ZMYND11: variants seen among roughly 807,000 people sequenced by gnomAD.
ZMYND11 encodes the protein zinc finger MYND domain-containing protein 11.
In ZMYND11, 9 loss-of-function variants were observed where a neutral mutation model predicts 84.9. That is an observed-to-expected ratio of 0.11 (90% confidence interval 0.06 to 0.18). ZMYND11 has a LOEUF of 0.18. Among genes scored for constraint, ZMYND11 ranks in the 10% least tolerant of loss-of-function variants. ZMYND11 has a pLI of 1.00. For synonymous variants in ZMYND11, 250 were observed against 244.1 expected (o/e 1.02, Z -0.23); for missense variants, 409 against 761.0 (o/e 0.54, Z 5.44).
In ZMYND11 at chr10:135,700, C is replaced by T. The variant is rs1455706730; in HGVS notation, c.-20+141C>T. 1 of 147,780 alleles carries T rather than the reference C, an allele frequency of 6.8e-6. No homozygotes were observed. The highest frequency in any genetic ancestry group is 2.5e-5 in the African/African-American group (1 of 40,300). The allele number at this position is 147,780 out of a possible 1,614,324, so 9.2% of individuals were successfully genotyped here. A position where few individuals can be genotyped will look rare whatever the true frequency, so the allele number is the denominator to read the frequency against. Reference sequence around the variant, plus strand: ...GGGTGCTGACGGTCGCTCGCCCGCTCGCGAAGAGCTCCGAGCTGCCGGGGA... The same window carrying T: ...GGGTGCTGACGGTCGCTCGCCCGCTTGCGAAGAGCTCCGAGCTGCCGGGGA... On this transcript the variant is annotated intron_variant, in intron 1 of 14. Coordinates refer to ENST00000381604, the MANE Select transcript of ZMYND11 (RefSeq NM_001370100.5). The surrounding 1 kb of genome is among the most constrained non-coding windows in gnomAD (Gnocchi z 5.6).
intron 1 of ZMYND11, among the ~76,000 whole-genome samples, chr10:146,898 A>G (rs1192185005): frequency 1.3e-5 from 2 of 152,258 alleles, no homozygotes; most frequent in African/African-American, 2.4e-5. Context: ...CATGTAAGAC[A>G]TGCCTTTGCT....
At chr10:193,845 C>G (rs575491502) in intron 2 of ZMYND11, among the ~76,000 whole-genome samples, 3 of 152,228 alleles carry the variant, frequency 2.0e-5, no homozygotes, top group South Asian at 4.1e-4. Context: ...CCATGATAAT[C>G]TTTTCTTGGT....
At chr10:215,129 T>G (rs1327538559) in intron 3 of ZMYND11, among the ~76,000 whole-genome samples, 1 of 152,236 alleles carries the variant, frequency 6.6e-6, no homozygotes, top group Non-Finnish European at 1.5e-5. Context: ...GAATATTATT[T>G]GACAGATACT....
rs908556095 is a variant in ZMYND11 at position 248,031 on chromosome 10, TGTTTA to T, written c.1228-299_1228-295del. Among the ~76,000 whole-genome samples, 75 of 152,090 alleles carry T rather than the reference TGTTTA, an allele frequency of 4.9e-4. 1 individual carries two copies. The South Asian group carries it at 5.0e-3, about 10-fold the overall frequency. ...AATTTTTATATTCTATAAATTTCTGTGTTTAGTTTATTTTAAAAACAAAACTTATA... is the reference window on the plus strand; with the variant it reads ...AATTTTTATATTCTATAAATTTCTGTGTTTATTTTAAAAACAAAACTTATA... On this transcript the variant is annotated intron_variant, in intron 12 of 14. Transcript: ENST00000381604.
At chr10:251,728 T>C (rs1589327389) in intron 14 of ZMYND11, among the ~76,000 whole-genome samples, 1 of 152,326 alleles carries the variant, frequency 6.6e-6, no homozygotes, top group East Asian at 1.9e-4. Context: ...TATGGACCCT[T>C]GCACTAGAAC....
intron 4 of ZMYND11, among the ~76,000 whole-genome samples, chr10:229,340 G>A (rs192867225): frequency 6.6e-6 from 1 of 152,138 alleles, no homozygotes; most frequent in Non-Finnish European, 1.5e-5. Context: ...GACGTTCTTA[G>A]TAGTTTGCAT....
At chr10:188,620 A>G (rs1183284033) in intron 2 of ZMYND11, among the ~76,000 whole-genome samples, 1 of 151,174 alleles carries the variant, frequency 6.6e-6, no homozygotes, top group African/African-American at 2.4e-5. Context: ...ATTTCCCAGT[A>G]TGATTCATAA....
At chr10:142,662 T>C (rs1402278754) in intron 1 of ZMYND11, among the ~76,000 whole-genome samples, 1 of 152,230 alleles carries the variant, frequency 6.6e-6, no homozygotes, top group Non-Finnish European at 1.5e-5. Flanking sequence ...TACAGTGATA[T>C]TCCTTCATTT....
At chr10:251,966 GAGA>G (rs1953582564) in intron 14 of ZMYND11, among the ~76,000 whole-genome samples, 1 of 152,196 alleles carries the variant, frequency 6.6e-6, no homozygotes, top group South Asian at 2.1e-4. Flanking sequence ...TTAACGACGA[GAGA>G]AGAATTTGAA....
At chr10:182,766 T>C (rs1848145566) in intron 2 of ZMYND11, among the ~76,000 whole-genome samples, 2 of 152,204 alleles carry the variant, frequency 1.3e-5, no homozygotes. Context: ...TCCTTGTTTA[T>C]TAAACTTGCC....
chr10:194,810 C>T (rs750920746), intron 2 of ZMYND11, among the ~76,000 whole-genome samples: 3 of 152,106 alleles, frequency 2.0e-5, no homozygotes, highest in South Asian at 2.1e-4. Flanking sequence ...GATACAAGGT[C>T]GCTCACAGAC....
chr10:136,239 AG>A (rs1269517524), intron 1 of ZMYND11, among the ~76,000 whole-genome samples: 4 of 151,796 alleles, frequency 2.6e-5, no homozygotes, highest in African/African-American at 9.7e-5. Flanking sequence ...GGCTGGGACG[AG>A]GGGGGGCGCC....
intron 2 of ZMYND11, among the ~76,000 whole-genome samples, chr10:183,327 T>C (rs1231602688): frequency 6.6e-6 from 1 of 151,946 alleles, no homozygotes; most frequent in African/African-American, 2.4e-5. Context: ...TAGTTTAACC[T>C]GTTGCTCAGT....
intron 2 of ZMYND11, among the ~76,000 whole-genome samples, chr10:200,372 ATATG>A (rs1288474886): frequency 2.8e-5 from 4 of 145,290 alleles, no homozygotes; most frequent in African/African-American, 1.0e-4. Context: ...ATATGTGTAT[ATATG>A]TATATATAAC....
At chr10:187,669 C>A (rs1044263259) in intron 2 of ZMYND11, among the ~76,000 whole-genome samples, 13 of 150,728 alleles carry the variant, frequency 8.6e-5, no homozygotes, top group South Asian at 6.3e-4. Flanking sequence ...AGATAAACTT[C>A]TTTAACAAGC....
intron 1 of ZMYND11, among the ~76,000 whole-genome samples, chr10:173,692 C>G (rs1257921412): frequency 6.6e-6 from 1 of 152,062 alleles, no homozygotes; most frequent in Non-Finnish European, 1.5e-5. Context: ...GACTGGGTGA[C>G]AGAGTGAGAC....
At chr10:228,573 A>G (rs1948500972) in intron 4 of ZMYND11, among the ~76,000 whole-genome samples, 1 of 152,234 alleles carries the variant, frequency 6.6e-6, no homozygotes, top group Non-Finnish European at 1.5e-5. Flanking sequence ...TAGTACTTAC[A>G]TTGGCTGGAT....
chr10:191,614 C>A (rs1588817061), intron 2 of ZMYND11, among the ~76,000 whole-genome samples: 1 of 152,286 alleles, frequency 6.6e-6, no homozygotes, highest in Non-Finnish European at 1.5e-5. Flanking sequence ...GTGTATTGCT[C>A]TTTGTTCCAT....
chr10:209,806 A>G, intron 2 of ZMYND11, 83 bp from the exon 3 acceptor site: 1 of 1,365,938 alleles, frequency 7.3e-7, no homozygotes, highest in Non-Finnish European at 1.0e-6. Flanking sequence ...TAATGAAAGA[A>G]ATTACCACCA....
Sources: gnomAD v4.1 joint callset for allele counts (sites outside exome capture counted in the v4.1 genomes callset) on GRCh38, gnomAD v4.1.1 for gene constraint, Gnocchi (gnomAD v3.1) non-coding constraint, MANE v1.5 for transcripts, NCBI Gene and HGNC (gene_info 2026-07-23, HGNC 2026-07-21) for gene names.